YTHDF2: variants seen among roughly 807,000 people sequenced by gnomAD.
YTHDF2 encodes YTH N6-methyladenosine RNA binding protein F2.
A neutral mutation model predicts 50.4 loss-of-function variants in YTHDF2; 2 were observed. That is an observed-to-expected ratio of 0.04 (90% CI 0.02 to 0.12). The LOEUF is 0.12. Ranked by LOEUF, YTHDF2 falls within the 10% of genes least tolerant of loss-of-function variation. The pLI, the probability that YTHDF2 is intolerant of heterozygous loss-of-function variation, is 1.00. For synonymous variants in YTHDF2, 217 were observed against 255.6 expected (o/e 0.85, Z 1.44); for missense variants, 483 against 722.6 (o/e 0.67, Z 3.80).
chr1:28,742,047 C>CTT (rs67430325), intron 3 of YTHDF2, among the ~76,000 whole-genome samples: 3 of 143,414 alleles, frequency 2.1e-5, no homozygotes, highest in Non-Finnish European at 4.5e-5. Flanking sequence ...GTGCTGCACA[C>CTT]TTTTTTTTTT....
At chr1:28,767,547 C>T (rs1241972315) in intron 4 of YTHDF2, among the ~76,000 whole-genome samples, 5 of 151,760 alleles carry the variant, frequency 3.3e-5, no homozygotes, top group Admixed American at 1.3e-4. Context: ...CTCGCTTTGT[C>T]GCCCAGGCTG....
At chr1:28,755,867 A>C (rs887545909) in intron 4 of YTHDF2, among the ~76,000 whole-genome samples, 1 of 152,206 alleles carries the variant, frequency 6.6e-6, no homozygotes, top group Non-Finnish European at 1.5e-5. Flanking sequence ...ACAAATATTC[A>C]AAAAATCTGA....
intron 4 of YTHDF2, among the ~76,000 whole-genome samples, chr1:28,768,296 T>A (rs1479127799): frequency 6.6e-6 from 1 of 152,148 alleles, no homozygotes; most frequent in East Asian, 1.9e-4. Flanking sequence ...AAACAGTGAT[T>A]CTTAAGAAAA....
At chr1:28,768,346 T>G (rs2088252055) in intron 4 of YTHDF2, among the ~76,000 whole-genome samples, 1 of 151,740 alleles carries the variant, frequency 6.6e-6, no homozygotes, top group African/African-American at 2.4e-5. Flanking sequence ...ATAAGTATTG[T>G]AGTCAGATTA....
At chr1:28,742,047 C>CTTTTT (rs67430325) in intron 3 of YTHDF2, among the ~76,000 whole-genome samples, 63,209 of 142,790 alleles carry the variant, frequency 0.44, 14,474 homozygotes, top group East Asian at 0.77. Flanking sequence ...GTGCTGCACA[C>CTTTTT]TTTTTTTTTT....
chr1:28,762,189 G>A (rs1382383302), intron 4 of YTHDF2, among the ~76,000 whole-genome samples: 5 of 152,034 alleles, frequency 3.3e-5, no homozygotes, highest in African/African-American at 9.7e-5. Context: ...TCAGGAGATC[G>A]AGACCATCCT....
intron 4 of YTHDF2, among the ~76,000 whole-genome samples, chr1:28,761,152 TGA>T (rs2088123022): frequency 1.3e-4 from 20 of 148,944 alleles, no homozygotes; most frequent in Admixed American, 1.2e-3. Context: ...TTTTTTTTTT[TGA>T]GAGAAGGCCT....
chr1:28,768,405 T>C (rs2088252865), intron 4 of YTHDF2, among the ~76,000 whole-genome samples: 1 of 151,938 alleles, frequency 6.6e-6, no homozygotes, highest in Admixed American at 6.6e-5. Flanking sequence ...TTTTTTTTTT[T>C]CTGTCTGTGG....
chr1:28,763,938 T>A (rs1017598498), intron 4 of YTHDF2, among the ~76,000 whole-genome samples: 7 of 144,370 alleles, frequency 4.8e-5, no homozygotes, highest in South Asian at 2.1e-4. Flanking sequence ...TATTATTATT[T>A]TTTAAATTTA....
In YTHDF2 at chr1:28,769,576, TAA is replaced by T. The variant is rs2088274494; in HGVS notation, c.*625_*626del. On this transcript the variant is annotated 3_prime_UTR_variant, in exon 5 of 5. Transcript: ENST00000373812. ...TTCTGTTCTTGTACATTATACTGAT[TAA>T]GTCAGGATTAATTTGATTTCAAAGC... 6.6e-6 allele frequency: 1 copy of T among 152,628 alleles called. No homozygotes were observed. The highest frequency in any genetic ancestry group is 2.1e-4 in the South Asian group (1 of 4,828). The allele number at this position is 152,628 out of a possible 1,614,324, so 9.5% of individuals were successfully genotyped here.
intron 4 of YTHDF2, among the ~76,000 whole-genome samples, chr1:28,751,190 G>C (rs1212928885): frequency 6.6e-6 from 1 of 151,154 alleles, no homozygotes; most frequent in Non-Finnish European, 1.5e-5. Context: ...CCCAGGAGGT[G>C]GAGGTTGCAG....
At chr1:28,739,348 C>G (rs1309825522) in intron 3 of YTHDF2, 1 of 144,874 alleles carries the variant, frequency 6.9e-6, no homozygotes, top group African/African-American at 2.6e-5. Flanking sequence ...AGTGTCAACT[C>G]TTGTCACCCA....
chr1:28,763,162 G>A (rs1206203172), intron 4 of YTHDF2, among the ~76,000 whole-genome samples: 1 of 152,154 alleles, frequency 6.6e-6, no homozygotes, highest in African/African-American at 2.4e-5. Context: ...TTTAAAGTGA[G>A]GAGGGCCTAA....
At chr1:28,758,210 A>G (rs1014354272) in intron 4 of YTHDF2, among the ~76,000 whole-genome samples, 1 of 152,090 alleles carries the variant, frequency 6.6e-6, no homozygotes, top group Non-Finnish European at 1.5e-5. Flanking sequence ...GCAATAATAA[A>G]AAGAAATTAG....
chr1:28,738,997 A>G (rs1236438757), intron 3 of YTHDF2: 4 of 152,244 alleles, frequency 2.6e-5, no homozygotes, highest in African/African-American at 9.6e-5. Flanking sequence ...GCAGTGCAGA[A>G]TTTAGGGATT....
At position 28,736,980 on chromosome 1, in the gene YTHDF2, T is replaced by C. The variant is rs1002272042; in HGVS notation, c.-141T>C. 9 of 1,049,618 alleles carry C rather than the reference T, an allele frequency of 8.6e-6. No homozygotes were observed. The highest frequency in any genetic ancestry group is 1.6e-5 in the African/African-American group (1 of 60,754). The allele number at this position is 1,049,618 out of a possible 1,614,324, so 65.0% of individuals were successfully genotyped here. On this transcript the variant is annotated 5_prime_UTR_variant, in exon 1 of 5. Transcript: ENST00000373812. ...CGGAGCCGGAGCCTGAGCCGCGCGC[T>C]GTGTCTCCGCTGCGTCCGCCGAGGC... is the stretch of plus-strand genomic sequence containing the variant.
chr1:28,761,529 G>A (rs921562729), intron 4 of YTHDF2, among the ~76,000 whole-genome samples: 1 of 152,126 alleles, frequency 6.6e-6, no homozygotes, highest in Non-Finnish European at 1.5e-5. Context: ...CCTGAGGTTG[G>A]GAGTTCGAGA....
chr1:28,743,065 G>A lies in YTHDF2; in HGVS notation c.795G>A (p.Pro265=), dbSNP rs759730745. The A allele has an allele frequency of 8.1e-6, 13 of 1,614,056 alleles. No homozygotes were observed. Among genetic ancestry groups the A allele is most frequent in the South Asian group, 5.5e-5 (5 of 91,072 alleles). ...ATGGCATTGCAGGGTCAAGTCTTCC[G>A]CCACCCCCGATAAAGCATAACATGG... is the stretch of plus-strand genomic sequence containing the variant. The part of the protein sequence containing the change: ...TKNGIAGSSL[P]PPPIKHNMDI... The change falls in exon 4 of 5, where the codon CCG becomes CCA. Residue 265 remains proline, a synonymous_variant. Transcript: ENST00000373812. This position sits in a 1 kb window ranked among gnomAD's most constrained non-coding sequence, Gnocchi z 6.9.
chr1:28,769,010 A>G lies in YTHDF2; in HGVS notation c.*58A>G. The G allele has an allele frequency of 7.0e-7, 1 of 1,437,142 alleles. No individual in the cohort carries two copies. Among genetic ancestry groups the G allele is most frequent in the Non-Finnish European group, 9.4e-7 (1 of 1,067,054 alleles). 89.0% of individuals were successfully genotyped at this position (1,437,142 alleles called of 1,614,324 possible). ...GCATCTGCATATCCTAAGAGGAAAA[A>G]ATGACCTTCAAGAGAATTAGGACTT... is the stretch of plus-strand genomic sequence containing the variant. On this transcript the variant is annotated 3_prime_UTR_variant, in exon 5 of 5. Coordinates refer to ENST00000373812, the MANE Select transcript of YTHDF2 (RefSeq NM_016258.3).
Sources: gnomAD v4.1 joint callset for allele counts (sites outside exome capture counted in the v4.1 genomes callset) on GRCh38, gnomAD v4.1.1 for gene constraint, Gnocchi (gnomAD v3.1) non-coding constraint, MANE v1.5 for transcripts, NCBI Gene and HGNC (gene_info 2026-07-23, HGNC 2026-07-21) for gene names.